Variants in COP1 observed in about 807,000 individuals in gnomAD.
COP1 encodes E3 ubiquitin-protein ligase COP1.
Under a neutral mutation model 101.3 loss-of-function variants are expected in COP1, and 24 were observed. The observed-to-expected ratio is 0.24, with a 90% confidence interval of 0.17 to 0.33. COP1 has a LOEUF of 0.33. COP1 is among the 10% of genes least tolerant of loss of function. COP1 has a pLI of 1.00. For missense variants in COP1, 663 were observed against 906.2 expected (o/e 0.73, Z 3.45); for synonymous variants, 347 against 341.9 (o/e 1.01, Z -0.17).
intron 18 of COP1, chr1:175,968,645 A>G: frequency 5.0e-6 from 2 of 396,830 alleles, no homozygotes; most frequent in South Asian, 4.0e-5. Flanking sequence ...GGATTCAGAT[A>G]ACAGGAAAAG....
intron 9 of COP1, among the ~76,000 whole-genome samples, chr1:176,098,337 G>T (rs770747323): frequency 2.1e-4 from 32 of 152,198 alleles, no homozygotes; most frequent in South Asian, 6.2e-4. Flanking sequence ...TACATGTGAG[G>T]TGTGTTATGA....
rs1234083082 is a variant in COP1 at position 176,140,005 on chromosome 1, C to T, written c.832-3458G>A. Among the ~76,000 whole-genome samples, 8 of 152,148 alleles carry T rather than the reference C, an allele frequency of 5.3e-5. No homozygotes were observed. In the South Asian group the frequency reaches 6.2e-4, roughly 12 times the overall value. On this transcript the variant is annotated intron_variant, in intron 6 of 19. Coordinates refer to ENST00000367669, the MANE Select transcript of COP1 (RefSeq NM_022457.7). ...TATCTGTAATATCAATAGCCAAAGA[C>T]AGCCAATATTACTTGTATGATACAT... is the stretch of plus-strand genomic sequence containing the variant.
chr1:176,116,174 T>C (rs1686155988), intron 9 of COP1, among the ~76,000 whole-genome samples: 1 of 151,990 alleles, frequency 6.6e-6, no homozygotes, highest in Non-Finnish European at 1.5e-5. Context: ...GTCCAGGAGT[T>C]TGAGACCAGC....
At position 176,085,865 on chromosome 1, in the gene COP1, C is replaced by T. The variant is rs781466000; in HGVS notation, c.1052G>A (p.Ser351Asn). 3.1e-6 allele frequency: 5 copies of T among 1,603,184 alleles called. No homozygotes were observed. Among genetic ancestry groups the T allele is most frequent in the Admixed American group, 1.7e-5 (1 of 59,910 alleles). ...TCGTTTTCGTCTTGATGCTAACGTG[C>T]TATTATACCAAGGCTGTTTCTTTGT... ...SQTKKQPWYN[S>N]TLASRRKRLT... Residue 351 changes from serine to asparagine, a missense_variant, in exon 10 of 20, where the codon AGC (serine) becomes AAC (asparagine). Ser to Asn is a conservative substitution (Grantham distance 46). Around this residue, in one of 4 missense-constraint regions of COP1, gnomAD observed 212 missense variants for 240.7 expected, o/e 0.88. Coordinates refer to ENST00000367669, the MANE Select transcript of COP1 (RefSeq NM_022457.7).
chr1:175,980,166 C>A (rs1488391102), intron 18 of COP1, among the ~76,000 whole-genome samples: 1 of 152,090 alleles, frequency 6.6e-6, no homozygotes, highest in Non-Finnish European at 1.5e-5. Context: ...CAAGGTCACA[C>A]AGCTGATCAG....
rs539922739 is a variant in COP1 at position 176,155,083 on chromosome 1, G to A, written c.763-6009C>T. Reference sequence around the variant, plus strand: ...TAAATTTGGAAGCACTGGCATCACAGACAACACTTTCACAGTACAAATCAT... The same window carrying A: ...TAAATTTGGAAGCACTGGCATCACAAACAACACTTTCACAGTACAAATCAT... On this transcript the variant is annotated intron_variant, in intron 5 of 19. Coordinates refer to ENST00000367669, the MANE Select transcript of COP1 (RefSeq NM_022457.7). Among the ~76,000 whole-genome samples the A allele has an allele frequency of 1.5e-3, 221 of 152,156 alleles. 1 individual carries two copies. Among genetic ancestry groups the A allele is most frequent in the Non-Finnish European group, 2.6e-3 (179 of 68,004 alleles).
intron 8 of COP1, among the ~76,000 whole-genome samples, chr1:176,130,559 A>G (rs1441818260): frequency 1.3e-5 from 2 of 151,798 alleles, no homozygotes; most frequent in Non-Finnish European, 3.0e-5. Flanking sequence ...AATTCAACTG[A>G]TATATTTTTT....
intron 3 of COP1, 33 bp from the exon 4 acceptor site, chr1:176,163,924 A>G (rs1694718405): frequency 6.9e-7 from 1 of 1,454,420 alleles, no homozygotes; most frequent in Non-Finnish European, 9.5e-7. Context: ...AAGCACACAT[A>G]ATTTGTATTT....
In COP1 at chr1:176,028,708, T is replaced by TATATATATATATATATATATAG. The variant is rs1668133736; in HGVS notation, c.1613-1021_1613-1020insCTATATATATATATATATATAT. Among the ~76,000 whole-genome samples, 3 of 129,930 alleles carry TATATATATATATATATATATAG rather than the reference T, an allele frequency of 2.3e-5. 1 individual carries two copies. The highest frequency in any genetic ancestry group is 5.0e-5 in the Non-Finnish European group (3 of 60,150). 85.2% of individuals were successfully genotyped at this position (129,930 alleles called of 152,430 possible). A position where few individuals can be genotyped will look rare whatever the true frequency, so the allele number is the denominator to read the frequency against. ...GGTATATTTGTTTCATATATATATA[T>TATATATATATATATATATATAG]ATATATATATATATATATAGTTTTA... is the stretch of plus-strand genomic sequence containing the variant. On this transcript the variant is annotated intron_variant, in intron 14 of 19. Transcript: ENST00000367669.
In COP1 at chr1:176,151,519, G is replaced by A. The variant is rs1692589480; in HGVS notation, c.763-2445C>T. On this transcript the variant is annotated intron_variant, in intron 5 of 19. Coordinates refer to ENST00000367669, the MANE Select transcript of COP1 (RefSeq NM_022457.7). ...GTTCAGTTAAGCGTCTCAAGAGGGA[G>A]CGTATCTGCTATGTGACATGAAATA... Among the ~76,000 whole-genome samples, 3 of 152,184 alleles carry A rather than the reference G, an allele frequency of 2.0e-5. No individual in the cohort carries two copies. In the South Asian group the frequency reaches 6.2e-4, roughly 32 times the overall value.
chr1:176,084,820 C>A (rs1055994359), intron 10 of COP1, among the ~76,000 whole-genome samples: 2 of 150,724 alleles, frequency 1.3e-5, no homozygotes, highest in African/African-American at 4.9e-5. Context: ...AAACCAACAC[C>A]CAGTTTTTAA....
chr1:176,193,299 G>A (rs1159935472), intron 1 of COP1, among the ~76,000 whole-genome samples: 1 of 152,100 alleles, frequency 6.6e-6, no homozygotes, highest in Non-Finnish European at 1.5e-5. Flanking sequence ...GGAGAAATTA[G>A]AACCCTTATA....
rs552541205 is a variant in COP1, at chr1:176,023,274, C to T, written c.1729+4298G>A. Among the ~76,000 whole-genome samples, 14 of 152,208 alleles carry T rather than the reference C, an allele frequency of 9.2e-5. No individual in the cohort carries two copies. The South Asian group carries it at 2.9e-3, about 32-fold the overall frequency. On this transcript the variant is annotated intron_variant, in intron 15 of 19. Coordinates refer to ENST00000367669, the MANE Select transcript of COP1 (RefSeq NM_022457.7). The stretch of plus-strand genomic sequence containing the variant: ...GGTGAAGAAACTAGCAAATGTTTAG[C>T]TACACCTACCAAAAAGAAATGAGAA...
intron 9 of COP1, among the ~76,000 whole-genome samples, chr1:176,097,617 C>T (rs969098972): frequency 6.6e-6 from 1 of 151,944 alleles, no homozygotes; most frequent in African/African-American, 2.4e-5. Flanking sequence ...GCCTGTAATC[C>T]TAGCACTTTG....
chr1:176,071,505 G>A (rs1323798170), intron 11 of COP1, among the ~76,000 whole-genome samples: 1 of 151,996 alleles, frequency 6.6e-6, no homozygotes, highest in African/African-American at 2.4e-5. Context: ...CACTTAAACT[G>A]TTTGACATGA....
intron 1 of COP1, among the ~76,000 whole-genome samples, chr1:176,194,347 G>A (rs1290031618): frequency 6.6e-6 from 1 of 152,084 alleles, no homozygotes; most frequent in Non-Finnish European, 1.5e-5. Context: ...CCAACTAAAA[G>A]GCAGACTGTT....
intron 8 of COP1, among the ~76,000 whole-genome samples, chr1:176,133,165 T>G (rs970522526): frequency 8.1e-6 from 1 of 122,880 alleles, no homozygotes; most frequent in Admixed American, 8.2e-5. Context: ...TATATATACG[T>G]ATGTACACAC....
chr1:176,050,966 A>T (rs1418760444), intron 11 of COP1, among the ~76,000 whole-genome samples: 1 of 152,228 alleles, frequency 6.6e-6, no homozygotes, highest in Non-Finnish European at 1.5e-5. Context: ...AGGCAAAATA[A>T]GAATAATAAC....
At chr1:176,084,455 C>A (rs1423407176) in intron 10 of COP1, among the ~76,000 whole-genome samples, 4 of 152,112 alleles carry the variant, frequency 2.6e-5, no homozygotes, top group Admixed American at 2.0e-4. Flanking sequence ...TCAATACCAT[C>A]CCCATCAAGC....
Sources: gnomAD v4.1 joint callset for allele counts (sites outside exome capture counted in the v4.1 genomes callset) on GRCh38, gnomAD v4.1.1 for gene constraint, gnomAD v4.1.1 regional missense constraint, MANE v1.5 for transcripts, NCBI Gene and HGNC (gene_info 2026-07-23, HGNC 2026-07-21) for gene names.